Variants in CNOT10 observed in about 807,000 individuals in gnomAD.
The protein encoded by CNOT10 is CCR4-NOT transcription complex subunit 10.
In CNOT10, 30 loss-of-function variants were observed where a neutral mutation model predicts 94.6. The observed-to-expected ratio is 0.32, with a 90% CI of 0.24 to 0.43. CNOT10 has a LOEUF of 0.43. Among genes scored for constraint, CNOT10 ranks in the 20% least tolerant of loss-of-function variants. The probability of loss-of-function intolerance (pLI) is 1.00; values close to 1 mark genes in which losing one functional copy is unlikely to be tolerated. For missense variants in CNOT10, 759 were observed against 877.2 expected, an observed-to-expected ratio of 0.87 and a Z score of 1.70; for synonymous variants, 289 against 301.6, an observed-to-expected ratio of 0.96 and a Z score of 0.43.
Position 32,733,440 on chromosome 3 carries a change from TA to T in CNOT10, c.1236del (p.Gly413AlafsTer21), listed in dbSNP as rs2125578148. The T allele has an allele frequency of 6.3e-7, 1 of 1,592,890 alleles. No individual in the cohort carries two copies. The highest frequency in any genetic ancestry group is 8.6e-7 in the Non-Finnish European group (1 of 1,167,526). ...ANKGTSEQET[K>X]GLPSKKGIVQ... ...TTTTGTAGACTTCTGAACAAGAAAC[TA>T]AAGGCCTTCCCAGCAAAAAAGGAAT... On this transcript the variant is annotated frameshift_variant, in exon 11 of 19. Transcript: ENST00000328834. LOFTEE classifies it high-confidence loss of function.
At chr3:32,735,132 T>C (rs1699128303) in intron 12 of CNOT10, among the ~76,000 whole-genome samples, 156 bp downstream of exon 12, 1 of 152,246 alleles carries the variant, frequency 6.6e-6, no homozygotes, top group Non-Finnish European at 1.5e-5. Flanking sequence ...TTCTGAGTCT[T>C]TCTGGAAGAG....
chr3:32,707,812 A>G lies in CNOT10; in HGVS notation c.280-858A>G, dbSNP rs535957158. The stretch of plus-strand genomic sequence containing the variant: ...CATCTCAAAAAAAAAAAAATTATCT[A>G]TGACCTTGAGGTATGGTGAGGATTA... On this transcript the variant is annotated intron_variant, in intron 3 of 18. Coordinates refer to ENST00000328834, the MANE Select transcript of CNOT10 (RefSeq NM_015442.3). 2.2e-4 allele frequency among the ~76,000 whole-genome samples: 34 copies of G among 152,214 alleles called. No homozygotes were observed. The East Asian group carries it at 5.0e-3, about 22-fold the overall frequency.
intron 5 of CNOT10, 60 bp downstream of exon 5, chr3:32,713,429 T>TG: frequency 7.5e-7 from 1 of 1,327,642 alleles, no homozygotes; most frequent in Non-Finnish European, 1.0e-6. Flanking sequence ...CTCTACTTGT[T>TG]GGTTTACTGG....
intron 13 of CNOT10, among the ~76,000 whole-genome samples, chr3:32,739,490 TTTTA>T (rs1175044196): frequency 2.0e-5 from 3 of 152,042 alleles, no homozygotes; most frequent in African/African-American, 4.8e-5. Context: ...AACAGTTATG[TTTTA>T]TTTGTTTATT....
rs184597777 is a variant in CNOT10, at chr3:32,753,895, G to A, written c.1596-5563G>A. ...ATCCTGATGATATGGAATGGAAAAA[G>A]TACTAAATAAATTAATTTGCTCTCA... On this transcript the variant is annotated intron_variant, in intron 13 of 18. Coordinates refer to ENST00000328834, the MANE Select transcript of CNOT10 (RefSeq NM_015442.3). 82 of 1,310,556 alleles carry A rather than the reference G, an allele frequency of 6.3e-5. No homozygotes were observed. In the Admixed American group the frequency reaches 1.5e-3, roughly 24 times the overall value. 81.2% of individuals were successfully genotyped at this position (1,310,556 alleles called of 1,614,324 possible).
intron 13 of CNOT10, among the ~76,000 whole-genome samples, chr3:32,737,714 T>A (rs1198940396): frequency 6.6e-6 from 1 of 152,022 alleles, no homozygotes; most frequent in Admixed American, 6.5e-5. Flanking sequence ...TCCCAGTTAC[T>A]TGGGAGGCTG....
At chr3:32,708,415 T>G (rs1236407559) in intron 3 of CNOT10, among the ~76,000 whole-genome samples, 1 of 152,186 alleles carries the variant, frequency 6.6e-6, no homozygotes, top group Non-Finnish European at 1.5e-5. Flanking sequence ...GGAAGATAAT[T>G]GTCTAGCCAT....
chr3:32,757,805 G>T (rs778273425), intron 13 of CNOT10, among the ~76,000 whole-genome samples: 1 of 152,184 alleles, frequency 6.6e-6, no homozygotes, highest in African/African-American at 2.4e-5. Flanking sequence ...AGCTGTTGAA[G>T]AGCCAGAAAT....
chr3:32,737,356 G>T (rs377387541), intron 12 of CNOT10, 54 bp from the exon 13 acceptor site: 2 of 1,311,800 alleles, frequency 1.5e-6, no homozygotes, highest in Middle Eastern at 2.1e-4. Flanking sequence ...AAAATTTTAC[G>T]TTTAATTATT....
intron 13 of CNOT10, among the ~76,000 whole-genome samples, chr3:32,758,841 CAT>C (rs1158753007): frequency 5.3e-5 from 8 of 152,184 alleles, no homozygotes; most frequent in East Asian, 1.9e-4. Flanking sequence ...GTTGTCTTCA[CAT>C]ATGTTTGTTT....
chr3:32,723,816 C>A (rs1038661573), intron 8 of CNOT10, among the ~76,000 whole-genome samples: 2 of 152,140 alleles, frequency 1.3e-5, no homozygotes, highest in Non-Finnish European at 2.9e-5. Flanking sequence ...GAACGGTGCT[C>A]ACACTTGTAA....
Position 32,704,796 on chromosome 3 carries a change from G to GC in CNOT10, c.118-15_118-14insC. 2 of 1,189,776 alleles carry GC rather than the reference G, an allele frequency of 1.7e-6. No individual in the cohort carries two copies. Among genetic ancestry groups the GC allele is most frequent in the Non-Finnish European group, 2.3e-6 (2 of 872,960 alleles). The allele number at this position is 1,189,776 out of a possible 1,614,324, so 73.7% of individuals were successfully genotyped here. The stretch of plus-strand genomic sequence containing the variant: ...ATGTAATTTTGTGTGTGTGTGTGTG[G>GC]TTTTTTTTTTTTAGTCTGGAAATTA... On this transcript the variant is annotated splice_polypyrimidine_tract_variant and intron_variant, in intron 2 of 18. Coordinates refer to ENST00000328834, the MANE Select transcript of CNOT10 (RefSeq NM_015442.3).
intron 13 of CNOT10, among the ~76,000 whole-genome samples, chr3:32,756,234 A>T (rs1015756428): frequency 3.9e-5 from 6 of 152,190 alleles, no homozygotes; most frequent in African/African-American, 1.4e-4. Flanking sequence ...CTTAATCCTG[A>T]TGGCTCTTAA....
In CNOT10 at chr3:32,733,455, C is replaced by T; in HGVS notation, c.1248C>T (p.Ser416=). The T allele has an allele frequency of 6.3e-7, 1 of 1,595,118 alleles. No homozygotes were observed. The highest frequency in any genetic ancestry group is 8.6e-7 in the Non-Finnish European group (1 of 1,169,292). The change falls in exon 11 of 19, where the codon AGC becomes AGT. Residue 416 remains serine (S), a synonymous_variant. Coordinates refer to ENST00000328834, the MANE Select transcript of CNOT10 (RefSeq NM_015442.3). The stretch of plus-strand genomic sequence containing the variant: ...AACAAGAAACTAAAGGCCTTCCCAG[C>T]AAAAAAGGAATTGTACAGTCTATTG... ...TSEQETKGLP[S]KKGIVQSIVG...
intron 1 of CNOT10, among the ~76,000 whole-genome samples, chr3:32,688,578 CAG>C (rs567569352): frequency 4.0e-5 from 6 of 151,070 alleles, no homozygotes; most frequent in African/African-American, 1.5e-4. Flanking sequence ...GGCTGGGTGA[CAG>C]AGTGAGATTC....
At chr3:32,706,116 G>C (rs1697610521) in intron 3 of CNOT10, among the ~76,000 whole-genome samples, 1 of 152,124 alleles carries the variant, frequency 6.6e-6, no homozygotes, top group Admixed American at 6.6e-5. Flanking sequence ...TGACTCTTGA[G>C]CCTGTTCTCC....
intron 1 of CNOT10, chr3:32,695,922 A>T (rs1697032216): frequency 2.2e-6 from 2 of 923,206 alleles, no homozygotes; most frequent in East Asian, 2.6e-5. Flanking sequence ...AAAACTCGAG[A>T]AATGTACAAA....
At chr3:32,737,202 C>T (rs1478424045) in intron 12 of CNOT10, among the ~76,000 whole-genome samples, 1 of 151,942 alleles carries the variant, frequency 6.6e-6, no homozygotes, top group Admixed American at 6.6e-5. Context: ...GTAATCCCAG[C>T]TACTTGGGAG....
At chr3:32,733,634 A>C (rs1448080547) in intron 11 of CNOT10, 90 bp downstream of exon 11, 1 of 887,184 alleles carries the variant, frequency 1.1e-6, no homozygotes, top group East Asian at 3.1e-5. Context: ...AGGATTTATC[A>C]TTGCATAGGA....
Sources: gnomAD v4.1 joint callset for allele counts (sites outside exome capture counted in the v4.1 genomes callset) on GRCh38, gnomAD v4.1.1 for gene constraint, MANE v1.5 for transcripts, NCBI Gene and HGNC (gene_info 2026-07-23, HGNC 2026-07-21) for gene names.